The following FHIT variants were observed in gnomAD, a reference collection of about 807,000 sequenced individuals.
FHIT encodes the protein fragile histidine triad diadenosine triphosphatase.
FHIT carries 19 observed loss-of-function variants against 17.9 expected under a neutral mutation model. That is an observed-to-expected ratio of 1.06 (90% CI 0.74 to 1.56). FHIT has a LOEUF of 1.56. FHIT is among the 40% of genes most tolerant of loss of function. The pLI is 0.00. For synonymous variants in FHIT, 81 were observed against 69.7 expected, an observed-to-expected ratio of 1.16 and a Z score of -0.81; for missense variants, 248 against 189.2, an observed-to-expected ratio of 1.31 and a Z score of -1.82.
At chr3:60,783,245 C>G (rs1312982641) in intron 4 of FHIT, among the ~76,000 whole-genome samples, 1 of 152,064 alleles carries the variant, frequency 6.6e-6, no homozygotes, top group South Asian at 2.1e-4. Context: ...GGATGGGTGA[C>G]ACATACATTC....
intron 3 of FHIT, among the ~76,000 whole-genome samples, chr3:60,865,539 A>G (rs1704116915): frequency 6.6e-6 from 1 of 152,102 alleles, no homozygotes; most frequent in Non-Finnish European, 1.5e-5. Flanking sequence ...AAGAGTCTGA[A>G]TTTTCATTTT....
intron 4 of FHIT, among the ~76,000 whole-genome samples, chr3:60,757,311 G>C (rs1249715057): frequency 4.6e-5 from 7 of 152,170 alleles, no homozygotes; most frequent in Admixed American, 2.6e-4. Context: ...GAAGATCAGA[G>C]AGTGAACAAG....
At chr3:60,461,416 G>A (rs1050950497) in intron 5 of FHIT, among the ~76,000 whole-genome samples, 1 of 150,902 alleles carries the variant, frequency 6.6e-6, no homozygotes, top group Non-Finnish European at 1.5e-5. Flanking sequence ...TACTAAGTGA[G>A]TCAGCTAAAT....
intron 5 of FHIT, among the ~76,000 whole-genome samples, chr3:60,120,868 C>T (rs1336283330): frequency 2.0e-5 from 3 of 150,394 alleles, no homozygotes; most frequent in Non-Finnish European, 4.4e-5. Context: ...ACCATTTGCT[C>T]ACATAGCAGC....
chr3:60,555,492 T>G (rs10510848), intron 4 of FHIT, among the ~76,000 whole-genome samples: 12,637 of 152,236 alleles, frequency 0.083, 1,118 homozygotes, highest in African/African-American at 0.2. Context: ...CAAGGTAATT[T>G]TGCTTTTTCA....
intron 5 of FHIT, among the ~76,000 whole-genome samples, chr3:60,299,144 C>G (rs1708340265): frequency 6.6e-6 from 1 of 152,082 alleles, no homozygotes; most frequent in South Asian, 2.1e-4. Flanking sequence ...CGTGACGATC[C>G]TCAAGCTCTG....
chr3:60,817,814 C>A (rs1701792739), intron 4 of FHIT, among the ~76,000 whole-genome samples: 1 of 152,052 alleles, frequency 6.6e-6, no homozygotes. Flanking sequence ...CCCATTATTT[C>A]TTCAAATATT....
chr3:60,959,852 C>G (rs1233100631), intron 3 of FHIT, among the ~76,000 whole-genome samples: 3 of 149,214 alleles, frequency 2.0e-5, no homozygotes, highest in Admixed American at 6.7e-5. Flanking sequence ...ATTTGGTGAG[C>G]CTGAGGGCAA....
intron 9 of FHIT, 54 bp downstream of exon 9, chr3:59,752,167 C>T: frequency 7.7e-7 from 1 of 1,294,234 alleles, no homozygotes; most frequent in African/African-American, 1.5e-5. Context: ...AGAGTGCAGC[C>T]TCTTTCCTGA....
intron 5 of FHIT, among the ~76,000 whole-genome samples, chr3:60,270,026 C>A (rs1392178781): frequency 1.3e-5 from 2 of 152,056 alleles, no homozygotes; most frequent in Admixed American, 6.6e-5. Flanking sequence ...CTAACATGAC[C>A]AAGGGGGTGT....
intron 4 of FHIT, among the ~76,000 whole-genome samples, chr3:60,651,144 A>G (rs565701233): frequency 2.6e-5 from 4 of 152,204 alleles, no homozygotes; most frequent in South Asian, 2.1e-4. Context: ...GGGTTTTTCT[A>G]TTATACATTA....
chr3:60,157,560 G>C (rs1333092105), intron 5 of FHIT, among the ~76,000 whole-genome samples: 2 of 152,194 alleles, frequency 1.3e-5, no homozygotes, highest in African/African-American at 4.8e-5. Flanking sequence ...GCAGCAGTGA[G>C]CTTCGAGGTG....
chr3:60,070,799 G>A (rs948871817), intron 5 of FHIT, among the ~76,000 whole-genome samples: 1 of 152,138 alleles, frequency 6.6e-6, no homozygotes, highest in African/African-American at 2.4e-5. Context: ...TATTCTGTAC[G>A]CCTTTTAGGT....
At chr3:60,132,323 T>A (rs1204984037) in intron 5 of FHIT, among the ~76,000 whole-genome samples, 1 of 152,202 alleles carries the variant, frequency 6.6e-6, no homozygotes, top group Non-Finnish European at 1.5e-5. Flanking sequence ...ATACATCCCA[T>A]GCATTTAACT....
chr3:59,938,653 A>G (rs569646709), intron 7 of FHIT, among the ~76,000 whole-genome samples: 1 of 152,320 alleles, frequency 6.6e-6, no homozygotes, highest in South Asian at 2.1e-4. Flanking sequence ...TTTTGTATAT[A>G]TGTCTTAACA....
chr3:60,929,344 G>T (rs1553771038), intron 3 of FHIT, among the ~76,000 whole-genome samples: 2 of 152,166 alleles, frequency 1.3e-5, no homozygotes, highest in African/African-American at 4.8e-5. Context: ...TCAACATAGT[G>T]TTGGAAGTTA....
intron 8 of FHIT, among the ~76,000 whole-genome samples, chr3:59,808,876 C>T (rs1250303452): frequency 1.3e-5 from 2 of 152,094 alleles, no homozygotes; most frequent in African/African-American, 4.8e-5. Context: ...ACACAAAAGA[C>T]ACCAAAAACT....
intron 8 of FHIT, among the ~76,000 whole-genome samples, chr3:59,778,414 C>A (rs1702425357): frequency 1.3e-5 from 2 of 152,184 alleles, no homozygotes; most frequent in South Asian, 4.1e-4. Flanking sequence ...TGGCCCCTGG[C>A]CTCATAGAGC....
intron 7 of FHIT, among the ~76,000 whole-genome samples, chr3:59,996,450 G>T (rs907363614): frequency 1.3e-5 from 2 of 152,024 alleles, no homozygotes; most frequent in Admixed American, 6.6e-5. Context: ...AGCCTCAGGG[G>T]AATAGGAGGC....
Sources: gnomAD v4.1 joint callset for allele counts (sites outside exome capture counted in the v4.1 genomes callset) on GRCh38, gnomAD v4.1.1 for gene constraint, MANE v1.5 for transcripts, NCBI Gene and HGNC (gene_info 2026-07-23, HGNC 2026-07-21) for gene names.